NXPE2: variants seen among roughly 807,000 people sequenced by gnomAD.
NXPE2 encodes the protein NXPE family member 2.
Under a neutral mutation model 34.4 loss-of-function variants are expected in NXPE2, and 34 were observed. That is an observed-to-expected ratio of 0.99 (90% CI 0.75 to 1.31). NXPE2 has a LOEUF of 1.31. Ranked by LOEUF, NXPE2 falls within the 40% of genes most tolerant of loss-of-function variation. The pLI is 0.00. For synonymous variants in NXPE2, 235 were observed against 231.3 expected (o/e 1.02, Z -0.15); for missense variants, 649 against 672.5 (o/e 0.97, Z 0.39).
At chr11:114,594,479 AACAC>A in the NXPE2 span, among the ~76,000 whole-genome samples, 1 of 152,178 alleles carries the variant, frequency 6.6e-6, no homozygotes, top group African/African-American at 2.4e-5. Context: ...TGTATGTGTG[AACAC>A]ACACACAGTA....
the NXPE2 span, among the ~76,000 whole-genome samples, chr11:114,653,615 A>C: frequency 2.7e-5 from 4 of 146,284 alleles, no homozygotes; most frequent in African/African-American, 1.0e-4. Flanking sequence ...GCAAGCTTCA[A>C]CTTCTGGGTT....
chr11:114,640,031 T>C, the NXPE2 span, among the ~76,000 whole-genome samples: 1 of 120,426 alleles, frequency 8.3e-6, no homozygotes, highest in Admixed American at 9.7e-5. Flanking sequence ...TAATGTAACA[T>C]AATTATATTA....
intron 2 of NXPE2, 104 bp downstream of exon 2, chr11:114,679,866 TAGC>T: frequency 3.0e-6 from 2 of 667,900 alleles, no homozygotes; most frequent in South Asian, 3.9e-5. Context: ...CATATCATCT[TAGC>T]AGGAGAATGT....
chr11:114,604,570 G>T, the NXPE2 span, among the ~76,000 whole-genome samples: 1 of 151,962 alleles, frequency 6.6e-6, no homozygotes, highest in Non-Finnish European at 1.5e-5. Flanking sequence ...TTACCTGGTG[G>T]ATGATAAATA....
chr11:114,763,907 A>G, the NXPE2 span, among the ~76,000 whole-genome samples: 1 of 152,270 alleles, frequency 6.6e-6, no homozygotes. Context: ...ATTTTTCTTT[A>G]TCAGTCCATT....
the NXPE2 span, among the ~76,000 whole-genome samples, chr11:114,501,759 G>A: frequency 6.6e-6 from 1 of 152,102 alleles, no homozygotes; most frequent in Non-Finnish European, 1.5e-5. Context: ...GGTAAGAAGG[G>A]CTTTGGAAGA....
chr11:114,541,140 G>A, the NXPE2 span, among the ~76,000 whole-genome samples: 136 of 152,136 alleles, frequency 8.9e-4, no homozygotes, highest in African/African-American at 3.0e-3. Context: ...CAAGTTAATC[G>A]ATTGCCTGCC....
At chr11:114,644,487 G>A in the NXPE2 span, among the ~76,000 whole-genome samples, 1 of 152,026 alleles carries the variant, frequency 6.6e-6, no homozygotes, top group East Asian at 1.9e-4. Context: ...TTTATCAATT[G>A]CATTTCTAAG....
chr11:114,533,684 A>G, the NXPE2 span, among the ~76,000 whole-genome samples: 2,082 of 152,236 alleles, frequency 0.014, 52 homozygotes, highest in African/African-American at 0.048. Flanking sequence ...AGCCTTGCTC[A>G]TTGCTAGCAC....
the NXPE2 span, among the ~76,000 whole-genome samples, chr11:114,734,832 G>A: frequency 6.6e-6 from 1 of 152,156 alleles, no homozygotes; most frequent in Non-Finnish European, 1.5e-5. Flanking sequence ...TGCACGGCAG[G>A]GCGCAGTGGC....
the NXPE2 span, among the ~76,000 whole-genome samples, chr11:114,469,556 C>A: frequency 2.0e-5 from 3 of 151,128 alleles, no homozygotes; most frequent in East Asian, 5.9e-4. Context: ...GTGGTGCAAT[C>A]TCGGATCACT....
the NXPE2 span, among the ~76,000 whole-genome samples, chr11:114,493,404 C>T: frequency 3.8e-4 from 58 of 152,244 alleles, no homozygotes; most frequent in Non-Finnish European, 6.8e-4. Flanking sequence ...TCTTTCCCGT[C>T]TTCATGTCTT....
At chr11:114,548,105 G>C in the NXPE2 span, among the ~76,000 whole-genome samples, 1 of 151,940 alleles carries the variant, frequency 6.6e-6, no homozygotes, top group Non-Finnish European at 1.5e-5. Context: ...GATGAAGCAG[G>C]ATACCATATA....
At chr11:114,741,125 T>G in the NXPE2 span, among the ~76,000 whole-genome samples, 1 of 152,342 alleles carries the variant, frequency 6.6e-6, no homozygotes, top group South Asian at 2.1e-4. Flanking sequence ...CTATTTTTTC[T>G]TTCAACACTT....
the NXPE2 span, among the ~76,000 whole-genome samples, chr11:114,809,425 G>A: frequency 2.0e-5 from 3 of 150,484 alleles, no homozygotes; most frequent in African/African-American, 7.3e-5. Context: ...CAGATGACAT[G>A]ATTGTATATC....
chr11:114,652,113 G>C, the NXPE2 span, among the ~76,000 whole-genome samples: 1 of 152,054 alleles, frequency 6.6e-6, no homozygotes, highest in African/African-American at 2.4e-5. Context: ...CTACTGCCTA[G>C]AGTGTTTCAC....
the NXPE2 span, among the ~76,000 whole-genome samples, chr11:114,598,966 A>C: frequency 2.6e-5 from 4 of 152,246 alleles, no homozygotes; most frequent in African/African-American, 9.6e-5. Context: ...GAATTCCTCC[A>C]CTGAAAATGA....
chr11:114,621,604 G>A, the NXPE2 span, among the ~76,000 whole-genome samples: 1 of 152,088 alleles, frequency 6.6e-6, no homozygotes, highest in African/African-American at 2.4e-5. Flanking sequence ...TTTCCTCTAG[G>A]GTAACCACTG....
the NXPE2 span, among the ~76,000 whole-genome samples, chr11:114,635,026 T>C: frequency 3.9e-5 from 6 of 152,108 alleles, no homozygotes; most frequent in Admixed American, 2.6e-4. Context: ...TTGATGGGGA[T>C]GGCATTGAGT....
Sources: allele counts gnomAD v4.1 joint callset (sites outside exome capture counted in the v4.1 genomes callset), GRCh38; gene constraint gnomAD v4.1.1; transcripts MANE v1.5; gene names NCBI Gene and HGNC (gene_info 2026-07-23, HGNC 2026-07-21).